Variants in RBFOX3 observed in about 807,000 individuals in gnomAD.
The protein encoded by RBFOX3 is RNA binding protein fox-1 homolog 3.
Under a neutral mutation model 48.7 loss-of-function variants are expected in RBFOX3, and 17 were observed. The observed-to-expected ratio is 0.35, with a 90% CI of 0.24 to 0.52. The LOEUF is 0.52. Among genes scored for constraint, RBFOX3 ranks in the 20% least tolerant of loss-of-function variants. RBFOX3 has a pLI of 0.94. For synonymous variants in RBFOX3, 212 were observed against 209.5 expected (o/e 1.01, Z -0.10); for missense variants, 382 against 497.5 (o/e 0.77, Z 2.21).
intron 1 of RBFOX3, among the ~76,000 whole-genome samples, chr17:79,575,513 C>G (rs1168856195): frequency 6.6e-6 from 1 of 152,116 alleles, no homozygotes; most frequent in African/African-American, 2.4e-5. Context: ...CCACGGGAAG[C>G]CCTTTGAGGT....
At chr17:79,301,418 G>C (rs767513134) in intron 3 of RBFOX3, among the ~76,000 whole-genome samples, 1 of 152,198 alleles carries the variant, frequency 6.6e-6, no homozygotes. Context: ...CTGCCTTGGT[G>C]GCATGTGTGT....
the RBFOX3 span, among the ~76,000 whole-genome samples, chr17:79,640,195 G>A: frequency 6.6e-6 from 1 of 152,038 alleles, no homozygotes; most frequent in African/African-American, 2.4e-5. Flanking sequence ...AGGAAATTAA[G>A]AAAGTAATCC....
chr17:79,364,761 C>G lies in RBFOX3; in HGVS notation c.-174-56937G>C, dbSNP rs1156935691. Among the ~76,000 whole-genome samples, 1 of 152,170 alleles carries G rather than the reference C, an allele frequency of 6.6e-6. No individual in the cohort carries two copies. The highest frequency in any genetic ancestry group is 1.5e-5 in the Non-Finnish European group (1 of 68,030). Reference sequence around the variant, plus strand: ...CACATTATAGCCCATCCAGCACAGCCTCCAGGGAGAGGACCCCGCAAAGCC... The same window carrying G: ...CACATTATAGCCCATCCAGCACAGCGTCCAGGGAGAGGACCCCGCAAAGCC... On this transcript the variant is annotated intron_variant, in intron 2 of 14. Transcript: ENST00000693108. The surrounding 1 kb of genome is among the most constrained non-coding windows in gnomAD (Gnocchi z 5.1).
intron 2 of RBFOX3, among the ~76,000 whole-genome samples, chr17:79,366,785 G>A (rs541594358): frequency 6.6e-6 from 1 of 152,312 alleles, no homozygotes; most frequent in East Asian, 1.9e-4. Flanking sequence ...GACGACCCTT[G>A]TCCTTCCTAG....
At chr17:79,660,620 G>C in the RBFOX3 span, among the ~76,000 whole-genome samples, 4 of 152,176 alleles carry the variant, frequency 2.6e-5, no homozygotes, top group Non-Finnish European at 4.4e-5. Flanking sequence ...AGTCAGAATG[G>C]CAATTATTAA....
intron 2 of RBFOX3, among the ~76,000 whole-genome samples, chr17:79,410,213 G>A (rs1340359997): frequency 6.6e-6 from 1 of 152,240 alleles, no homozygotes; most frequent in Non-Finnish European, 1.5e-5. Context: ...GGCCAAGGGA[G>A]TGTCTCTTGT....
At chr17:79,591,080 C>T (rs2093403011) in intron 1 of RBFOX3, among the ~76,000 whole-genome samples, 1 of 152,202 alleles carries the variant, frequency 6.6e-6, no homozygotes, top group African/African-American at 2.4e-5. Context: ...GCCGCCCCTT[C>T]CTCCCAAGCC....
chr17:79,288,132 C>T (rs1600432547), intron 3 of RBFOX3, among the ~76,000 whole-genome samples: 1 of 152,174 alleles, frequency 6.6e-6, no homozygotes, highest in Non-Finnish European at 1.5e-5. Context: ...TGATCTCCTC[C>T]TTCCCTTCTC....
chr17:79,394,147 C>A (rs999930609), intron 2 of RBFOX3, among the ~76,000 whole-genome samples: 1 of 152,182 alleles, frequency 6.6e-6, no homozygotes, highest in Admixed American at 6.5e-5. Flanking sequence ...AGTTGGTCCC[C>A]GCGCACATCA....
intron 1 of RBFOX3, among the ~76,000 whole-genome samples, chr17:79,508,260 G>T (rs2083470517): frequency 6.6e-6 from 1 of 152,148 alleles, no homozygotes; most frequent in Non-Finnish European, 1.5e-5. Context: ...TCCCCGAGAG[G>T]GGGTTCCTCC....
At chr17:79,119,465 C>G (rs1024858583) in intron 4 of RBFOX3, among the ~76,000 whole-genome samples, 4 of 152,092 alleles carry the variant, frequency 2.6e-5, no homozygotes, top group Non-Finnish European at 5.9e-5. Flanking sequence ...AGCCAGGATC[C>G]CAAACCCACC....
At chr17:79,466,929 G>A (rs1451280137) in intron 2 of RBFOX3, among the ~76,000 whole-genome samples, 3 of 152,182 alleles carry the variant, frequency 2.0e-5, no homozygotes, top group Admixed American at 1.3e-4. Context: ...TAACAGGCAT[G>A]AGCCATCTCC....
intron 3 of RBFOX3, among the ~76,000 whole-genome samples, chr17:79,287,226 C>T (rs2072144321): frequency 6.6e-6 from 1 of 152,200 alleles, no homozygotes; most frequent in Admixed American, 6.5e-5. Flanking sequence ...AGGCGAAGGA[C>T]CCCCTGCCTT....
At chr17:79,094,164 A>T (rs374646212) in intron 14 of RBFOX3, 1 of 413,526 alleles carries the variant, frequency 2.4e-6, no homozygotes, top group East Asian at 3.6e-5. Context: ...ACGGGACTTT[A>T]TTATAGTGAG....
In RBFOX3 at chr17:79,443,653, G is replaced by A. The variant is rs1444494342; in HGVS notation, c.-175+38801C>T. On this transcript the variant is annotated intron_variant, in intron 2 of 14. Coordinates refer to ENST00000693108, the MANE Select transcript of RBFOX3 (RefSeq NM_001350451.2). The surrounding 1 kb of genome is among the most constrained non-coding windows in gnomAD (Gnocchi z 4.4). ...CCGCCTCGGCCTCCCAAAGTGCTGG[G>A]ATTACAGGCATGAGCCACCGCACCC... is the stretch of plus-strand genomic sequence containing the variant. Among the ~76,000 whole-genome samples the A allele has an allele frequency of 1.3e-5, 2 of 152,184 alleles. No homozygotes were observed. The highest frequency in any genetic ancestry group is 2.4e-5 in the African/African-American group (1 of 41,436).
intron 4 of RBFOX3, among the ~76,000 whole-genome samples, chr17:79,174,371 G>A (rs1239635004): frequency 9.6e-5 from 14 of 145,718 alleles, no homozygotes; most frequent in African/African-American, 2.6e-4. Context: ...AGACACATGC[G>A]CACACACACA....
chr17:79,604,415 T>C (rs2093781138), intron 1 of RBFOX3, among the ~76,000 whole-genome samples: 1 of 136,016 alleles, frequency 7.4e-6, no homozygotes, highest in Non-Finnish European at 1.5e-5. Flanking sequence ...TAAAAAGTCA[T>C]CCTCACACCT....
chr17:79,285,963 G>A (rs1408971404), intron 3 of RBFOX3, among the ~76,000 whole-genome samples: 1 of 152,332 alleles, frequency 6.6e-6, no homozygotes, highest in Non-Finnish European at 1.5e-5. Flanking sequence ...GATTACAGGC[G>A]TGAGCCACTG....
intron 3 of RBFOX3, among the ~76,000 whole-genome samples, chr17:79,269,109 C>T (rs926296189): frequency 3.4e-5 from 5 of 148,356 alleles, no homozygotes; most frequent in Admixed American, 1.3e-4. Flanking sequence ...AGGGGAGATG[C>T]GGACACAAAA....
Sources: gnomAD v4.1 joint callset for allele counts (sites outside exome capture counted in the v4.1 genomes callset) on GRCh38, gnomAD v4.1.1 for gene constraint, Gnocchi (gnomAD v3.1) non-coding constraint, MANE v1.5 for transcripts, NCBI Gene and HGNC (gene_info 2026-07-23, HGNC 2026-07-21) for gene names.